CTH: variants seen among roughly 807,000 people sequenced by gnomAD.
CTH encodes cystathionase (cystathionine gamma-lyase).
A neutral mutation model predicts 50.6 loss-of-function variants in CTH; 41 were observed. That is an observed-to-expected ratio of 0.81 (90% CI 0.63 to 1.05). The LOEUF (loss-of-function observed/expected upper bound fraction) is 1.05, where lower values mean the gene tolerates loss of function less well. Among genes scored for constraint, CTH ranks in the 50% least tolerant of loss-of-function variants. The probability of loss-of-function intolerance (pLI) is 0.00; values close to 1 mark genes in which losing one functional copy is unlikely to be tolerated. For missense variants in CTH, 470 were observed against 492.6 expected, an observed-to-expected ratio of 0.95 and a Z score of 0.43; for synonymous variants, 156 against 168.9, an observed-to-expected ratio of 0.92 and a Z score of 0.59.
intron 2 of CTH, among the ~76,000 whole-genome samples, chr1:70,416,348 A>G (rs1684091305): frequency 6.6e-6 from 1 of 152,160 alleles, no homozygotes; most frequent in Non-Finnish European, 1.5e-5. Flanking sequence ...CTGTCAGTAT[A>G]AATAAATAAA....
intron 10 of CTH, 44 bp from the exon 11 acceptor site, chr1:70,438,644 T>A (rs750553951): frequency 6.2e-7 from 1 of 1,611,446 alleles, no homozygotes; most frequent in East Asian, 2.2e-5. Context: ...ATGCCTCCAC[T>A]GACACAATAT....
intron 1 of CTH, among the ~76,000 whole-genome samples, chr1:70,413,269 T>TA (rs1398925616): frequency 6.6e-6 from 1 of 151,058 alleles, no homozygotes; most frequent in African/African-American, 2.4e-5. Flanking sequence ...CTTTTTTTTT[T>TA]TTTTTTATTT....
At chr1:70,424,260 A>G in intron 4 of CTH, 25 bp from the exon 5 acceptor site, 1 of 1,613,858 alleles carries the variant, frequency 6.2e-7, no homozygotes, top group Non-Finnish European at 8.5e-7. Flanking sequence ...TTTACAAACT[A>G]CTGTTATTTG....
chr1:70,418,808 T>A (rs1235709966), intron 3 of CTH, among the ~76,000 whole-genome samples: 32 of 152,172 alleles, frequency 2.1e-4, no homozygotes, highest in Non-Finnish European at 7.4e-5. Flanking sequence ...GATATGGGCC[T>A]CTTTTCCCAA....
chr1:70,429,298 G>A (rs1443256802), intron 5 of CTH, among the ~76,000 whole-genome samples: 26 of 152,082 alleles, frequency 1.7e-4, no homozygotes, highest in Admixed American at 1.3e-3. Flanking sequence ...TGAGTAATTA[G>A]GAATCAAGAT....
At chr1:70,423,279 A>G (rs893224867) in intron 4 of CTH, among the ~76,000 whole-genome samples, 4 of 151,976 alleles carry the variant, frequency 2.6e-5, no homozygotes, top group Non-Finnish European at 5.9e-5. Flanking sequence ...ACAGGTAATA[A>G]AAAAAGAATC....
chr1:70,412,809 C>A (rs1300205318), intron 1 of CTH, among the ~76,000 whole-genome samples: 2 of 152,016 alleles, frequency 1.3e-5, no homozygotes, highest in East Asian at 3.8e-4. Context: ...AATAATTACT[C>A]GATGGTAATT....
chr1:70,422,655 A>T (rs1175457160), intron 4 of CTH, among the ~76,000 whole-genome samples: 6 of 131,024 alleles, frequency 4.6e-5, no homozygotes, highest in African/African-American at 1.8e-4. Context: ...CCTGTCACCC[A>T]GGCTGTAGTG....
intron 4 of CTH, among the ~76,000 whole-genome samples, chr1:70,423,511 C>T (rs1245454115): frequency 6.6e-6 from 1 of 151,956 alleles, no homozygotes; most frequent in Non-Finnish European, 1.5e-5. Context: ...GTCGAAGCTG[C>T]CGTTAGCTGT....
At chr1:70,424,474 G>C in intron 5 of CTH, 58 bp downstream of exon 5, 1 of 1,607,614 alleles carries the variant, frequency 6.2e-7, no homozygotes, top group Non-Finnish European at 8.5e-7. Context: ...CTGTAATTAG[G>C]AAAGAAAGGA....
At chr1:70,438,555 G>A (rs1404536067) in intron 10 of CTH, 133 bp from the exon 11 acceptor site, 7 of 901,984 alleles carry the variant, frequency 7.8e-6, no homozygotes, top group Non-Finnish European at 7.1e-6. Flanking sequence ...TTTTTTGCCT[G>A]TGAATTATAG....
At position 70,435,144 on chromosome 1, in the gene CTH, G is replaced by T. The variant is rs370521987; in HGVS notation, c.1019G>T (p.Ser340Ile). 6.2e-7 allele frequency: 1 copy of T among 1,613,088 alleles called. No individual in the cohort carries two copies. The highest frequency in any genetic ancestry group is 8.5e-7 in the Non-Finnish European group (1 of 1,179,554). ...KNLKLFTLAE[S>I]LGGFESLAEL... Reference sequence around the variant, plus strand: ...CTATAGCTATTTACTCTGGCCGAGAGCTTGGGAGGATTCGAAAGCCTTGCT... The same window carrying T: ...CTATAGCTATTTACTCTGGCCGAGATCTTGGGAGGATTCGAAAGCCTTGCT... The change falls in exon 10 of 12, where the codon AGC (serine) becomes ATC (isoleucine). Residue 340 changes from serine (S) to isoleucine (I), a missense_variant. By Grantham distance (142) the Ser-to-Ile change is moderately radical. Coordinates refer to ENST00000370938, the MANE Select transcript of CTH (RefSeq NM_001902.6).
chr1:70,421,732 A>T, intron 4 of CTH, 57 bp downstream of exon 4: 3 of 1,533,596 alleles, frequency 2.0e-6, no homozygotes, highest in Non-Finnish European at 2.7e-6. Context: ...TGTTTTCATC[A>T]TTTCTGTTTA....
In CTH at chr1:70,416,017, C is replaced by T. The variant is rs999578171; in HGVS notation, c.230C>T (p.Ala77Val). The change falls in exon 2 of 12, where the codon GCA becomes GTA. Residue 77 changes from alanine (A) to valine (V), a missense_variant. Transcript: ENST00000370938. ...AATTGCCTTGAAAAAGCAGTGGCAG[C>T]ACTGGATGGGGCTAAGTACTGTAAG... is the stretch of plus-strand genomic sequence containing the variant. ...TRNCLEKAVA[A>V]LDGAKYCLAF... The T allele has an allele frequency of 2.5e-6, 4 of 1,593,630 alleles. No individual in the cohort carries two copies. The highest frequency in any genetic ancestry group is 3.4e-6 in the Non-Finnish European group (4 of 1,161,416).
intron 2 of CTH, among the ~76,000 whole-genome samples, chr1:70,417,048 C>G (rs1373565632): frequency 1.3e-5 from 2 of 152,004 alleles, no homozygotes; most frequent in African/African-American, 4.8e-5. Flanking sequence ...GAGAATAGCA[C>G]TAAAGTTATT....
rs531740937 is a variant in CTH, at chr1:70,439,008, G to C, written c.1192-93G>C. On this transcript the variant is annotated intron_variant, in intron 11 of 11. Transcript: ENST00000370938. ...AGCTCAGTCAAAGTGCATATTTAAA[G>C]GATGGTAGTATTCAGAAAAAGGACT... is the stretch of plus-strand genomic sequence containing the variant. 190 of 1,521,206 alleles carry C rather than the reference G, an allele frequency of 1.2e-4. 2 individuals are homozygous for C. In the South Asian group the frequency reaches 2.1e-3, roughly 17 times the overall value. 94.2% of individuals were successfully genotyped at this position (1,521,206 alleles called of 1,614,324 possible).
intron 10 of CTH, among the ~76,000 whole-genome samples, chr1:70,437,541 A>G (rs1684623101): frequency 6.6e-6 from 1 of 152,180 alleles, no homozygotes; most frequent in African/African-American, 2.4e-5. Context: ...TTATAAGGCC[A>G]CATAGGCAGT....
rs531056906 is a variant in CTH at position 70,415,109 on chromosome 1, G to A, written c.169-847G>A. Among the ~76,000 whole-genome samples the A allele has an allele frequency of 2.0e-5, 3 of 152,266 alleles. No individual in the cohort carries two copies. The East Asian group carries it at 5.8e-4, about 29-fold the overall frequency. On this transcript the variant is annotated intron_variant, in intron 1 of 11. Coordinates refer to ENST00000370938, the MANE Select transcript of CTH (RefSeq NM_001902.6). ...ATAACTTCCTGTTGTATGCTAAATAGAACTTGAATCAGCCTGACAGATGGC... is the reference window on the plus strand; with the variant it reads ...ATAACTTCCTGTTGTATGCTAAATAAAACTTGAATCAGCCTGACAGATGGC...
intron 2 of CTH, among the ~76,000 whole-genome samples, chr1:70,416,849 A>C (rs1272383695): frequency 6.6e-6 from 1 of 152,012 alleles, no homozygotes; most frequent in African/African-American, 2.4e-5. Flanking sequence ...GGAGTGGGCC[A>C]CCACGCCCAG....
Sources: gnomAD v4.1 joint callset for allele counts (sites outside exome capture counted in the v4.1 genomes callset) on GRCh38, gnomAD v4.1.1 for gene constraint, MANE v1.5 for transcripts, NCBI Gene and HGNC (gene_info 2026-07-23, HGNC 2026-07-21) for gene names.